Variants in ANTXR1 observed in about 807,000 individuals in gnomAD.
ANTXR1 encodes anthrax toxin receptor 1.
Under a neutral mutation model 78.1 loss-of-function variants are expected in ANTXR1, and 19 were observed. The observed-to-expected ratio is 0.24, with a 90% CI of 0.17 to 0.36. The LOEUF (loss-of-function observed/expected upper bound fraction) is 0.36, where lower values mean the gene tolerates loss of function less well. ANTXR1 is among the 10% of genes least tolerant of loss of function. ANTXR1 has a pLI of 1.00. For missense variants in ANTXR1, 518 were observed against 718.6 expected, an observed-to-expected ratio of 0.72 and a Z score of 3.19; for synonymous variants, 273 against 260.5, an observed-to-expected ratio of 1.05 and a Z score of -0.46.
rs1203601764 is a variant in ANTXR1 at position 69,245,973 on chromosome 2, C to T, written c.*488C>T. On this transcript the variant is annotated 3_prime_UTR_variant, in exon 18 of 18. Coordinates refer to ENST00000303714, the MANE Select transcript of ANTXR1 (RefSeq NM_032208.3). The stretch of plus-strand genomic sequence containing the variant: ...CCAAGAAAGAGGAAAACTTTGCCTA[C>T]AACTTTGGAAATGCTGGGGTCCCTG... 1 of 153,916 alleles carries T rather than the reference C, an allele frequency of 6.5e-6. No homozygotes were observed. Among genetic ancestry groups the T allele is most frequent in the African/African-American group, 2.4e-5 (1 of 41,458 alleles). 9.5% of individuals were successfully genotyped at this position (153,916 alleles called of 1,614,324 possible).
intron 10 of ANTXR1, among the ~76,000 whole-genome samples, chr2:69,111,817 T>A (rs1258505582): frequency 1.3e-5 from 2 of 152,182 alleles, no homozygotes; most frequent in African/African-American, 4.8e-5. Context: ...CATGCCCAAT[T>A]TTCCAGAAAC....
chr2:69,233,746 A>G (rs187863147), intron 17 of ANTXR1, among the ~76,000 whole-genome samples: 2 of 152,054 alleles, frequency 1.3e-5, no homozygotes, highest in Admixed American at 1.3e-4. Flanking sequence ...GAATAAGATA[A>G]GGACACCTGA....
chr2:69,116,328 C>T (rs1672143636), intron 10 of ANTXR1, among the ~76,000 whole-genome samples: 1 of 152,224 alleles, frequency 6.6e-6, no homozygotes, highest in African/African-American at 2.4e-5. Flanking sequence ...CCAGAAAGCT[C>T]AGCCCGGATT....
At chr2:69,086,487 C>G (rs1297384220) in intron 8 of ANTXR1, among the ~76,000 whole-genome samples, 1 of 152,206 alleles carries the variant, frequency 6.6e-6, no homozygotes, top group East Asian at 1.9e-4. Flanking sequence ...GTCAACTTAC[C>G]AGAAACAACA....
At chr2:69,025,892 C>G (rs1309404983) in intron 1 of ANTXR1, among the ~76,000 whole-genome samples, 1 of 152,164 alleles carries the variant, frequency 6.6e-6, no homozygotes, top group Non-Finnish European at 1.5e-5. Context: ...TATGGTCATC[C>G]TGATTATTAA....
chr2:69,046,924 C>A (rs1037103041), intron 3 of ANTXR1, among the ~76,000 whole-genome samples: 3 of 152,116 alleles, frequency 2.0e-5, no homozygotes, highest in Non-Finnish European at 2.9e-5. Context: ...CATGAATTGG[C>A]AAAGACTTTC....
intron 12 of ANTXR1, among the ~76,000 whole-genome samples, chr2:69,133,972 G>T (rs1256901354): frequency 6.6e-6 from 1 of 152,142 alleles, no homozygotes; most frequent in Non-Finnish European, 1.5e-5. Context: ...GCTGACATGG[G>T]GCCTGGCACA....
Position 69,077,269 on chromosome 2 carries a change from C to T in ANTXR1, c.562-139C>T, listed in dbSNP as rs978583959. Reference sequence around the variant, plus strand: ...ATTACTGATGGCTTTTCAGGGCAGCCCCTGAGCCCAGTGAAGGCCTCATAT... The same window carrying T: ...ATTACTGATGGCTTTTCAGGGCAGCTCCTGAGCCCAGTGAAGGCCTCATAT... On this transcript the variant is annotated intron_variant, in intron 7 of 17. Transcript: ENST00000303714. The T allele has an allele frequency of 4.7e-6, 4 of 852,568 alleles. No individual in the cohort carries two copies. The African/African-American group carries it at 5.0e-5, about 11-fold the overall frequency. 52.8% of individuals were successfully genotyped at this position (852,568 alleles called of 1,614,324 possible).
chr2:69,176,469 A>T (rs557372736), intron 14 of ANTXR1, among the ~76,000 whole-genome samples: 7 of 152,352 alleles, frequency 4.6e-5, no homozygotes, highest in Admixed American at 4.6e-4. Flanking sequence ...CAAATGAGAC[A>T]GTCCTGCCAG....
chr2:69,158,817 T>A (rs1029079102), intron 13 of ANTXR1, among the ~76,000 whole-genome samples: 5 of 152,236 alleles, frequency 3.3e-5, no homozygotes, highest in Non-Finnish European at 7.3e-5. Context: ...ATTAAATGCA[T>A]GTTCAACTTA....
intron 13 of ANTXR1, among the ~76,000 whole-genome samples, chr2:69,168,908 A>C (rs540149248): frequency 9.8e-5 from 15 of 152,382 alleles, no homozygotes; most frequent in Admixed American, 9.1e-4. Context: ...TGCCTCTTCA[A>C]TTAATGGAAT....
At chr2:69,166,407 A>T (rs976206039) in intron 13 of ANTXR1, among the ~76,000 whole-genome samples, 6 of 152,144 alleles carry the variant, frequency 3.9e-5, no homozygotes, top group African/African-American at 1.4e-4. Context: ...CAGGAGTTCC[A>T]TATTCCATCT....
At chr2:69,058,255 A>G (rs1326933123) in intron 3 of ANTXR1, among the ~76,000 whole-genome samples, 1 of 152,242 alleles carries the variant, frequency 6.6e-6, no homozygotes, top group Non-Finnish European at 1.5e-5. Flanking sequence ...TTGGAAGAAG[A>G]TGCCATCTAG....
chr2:69,242,385 C>T (rs1312645135), intron 17 of ANTXR1, among the ~76,000 whole-genome samples: 1 of 152,130 alleles, frequency 6.6e-6, no homozygotes, highest in Non-Finnish European at 1.5e-5. Context: ...CCTGGGAATC[C>T]TAACATGGAT....
At chr2:69,226,250 GA>G (rs1394814054) in intron 17 of ANTXR1, among the ~76,000 whole-genome samples, 1 of 152,194 alleles carries the variant, frequency 6.6e-6, no homozygotes, top group African/African-American at 2.4e-5. Context: ...GGACTGTCTG[GA>G]TTCACAGAGT....
At chr2:69,124,703 C>T in intron 12 of ANTXR1, 60 bp downstream of exon 12, 1 of 1,577,532 alleles carries the variant, frequency 6.3e-7, no homozygotes, top group Non-Finnish European at 8.7e-7. Context: ...ATCAACGTTT[C>T]TTAAGCAGTA....
chr2:69,181,338 C>G (rs1471501484), intron 14 of ANTXR1, among the ~76,000 whole-genome samples: 1 of 152,156 alleles, frequency 6.6e-6, no homozygotes, highest in Non-Finnish European at 1.5e-5. Flanking sequence ...GGGAAGACTA[C>G]AGGAGGAGCA....
intron 3 of ANTXR1, 61 bp from the exon 4 acceptor site, chr2:69,070,586 G>A (rs1670535878): frequency 1.3e-6 from 2 of 1,490,900 alleles, no homozygotes; most frequent in Non-Finnish European, 1.9e-6. Context: ...TAGTACTTAT[G>A]ACTACAACAG....
chr2:69,068,128 T>A (rs930106818), intron 3 of ANTXR1, among the ~76,000 whole-genome samples: 1 of 152,046 alleles, frequency 6.6e-6, no homozygotes, highest in African/African-American at 2.4e-5. Context: ...AGTGGAGACA[T>A]CCATTCCCTC....
Sources: allele counts gnomAD v4.1 joint callset (sites outside exome capture counted in the v4.1 genomes callset), GRCh38; gene constraint gnomAD v4.1.1; transcripts MANE v1.5; gene names NCBI Gene and HGNC (gene_info 2026-07-23, HGNC 2026-07-21).